Variants in YTHDF1 observed in about 807,000 individuals in gnomAD.
YTHDF1 encodes the protein YTH domain-containing family protein 1.
YTHDF1 carries 16 observed loss-of-function variants against 49.1 expected under a neutral mutation model. The observed-to-expected ratio is 0.33, with a 90% CI of 0.22 to 0.49. YTHDF1 has a LOEUF of 0.49. YTHDF1 is among the 20% of genes least tolerant of loss of function. The pLI is 0.99. For missense variants in YTHDF1, 621 were observed against 744.3 expected (o/e 0.83, Z 1.93); for synonymous variants, 313 against 290.1 (o/e 1.08, Z -0.80).
chr20:63,197,420 T>A (rs1274665788), intron 4 of YTHDF1, among the ~76,000 whole-genome samples: 1 of 152,204 alleles, frequency 6.6e-6, no homozygotes, highest in Non-Finnish European at 1.5e-5. Flanking sequence ...GAATCATCTT[T>A]TCCAGAGTGT....
At chr20:63,198,581 C>T (rs1262153215) in intron 4 of YTHDF1, among the ~76,000 whole-genome samples, 1 of 151,822 alleles carries the variant, frequency 6.6e-6, no homozygotes, top group Non-Finnish European at 1.5e-5. Flanking sequence ...TTATAAACAG[C>T]TACAAAGTTT....
chr20:63,210,371 G>A (rs1489313389), intron 3 of YTHDF1, among the ~76,000 whole-genome samples: 1 of 152,184 alleles, frequency 6.6e-6, no homozygotes, highest in South Asian at 2.1e-4. Context: ...CAGGCATCAT[G>A]CCAAGACAGT....
At position 63,203,135 on chromosome 20, in the gene YTHDF1, T is replaced by C. The variant is rs752659623; in HGVS notation, c.805A>G (p.Met269Val). ...GLPPPPIKHNMDIGTWDNKGP... is the reference protein window; with the variant it reads ...GLPPPPIKHNVDIGTWDNKGP... ...TTGTTATCCCAGGTGCCAATGTCCATGTTATGCTTTATGGGTGGAGGGGGC... is the reference window on the plus strand; with the variant it reads ...TTGTTATCCCAGGTGCCAATGTCCACGTTATGCTTTATGGGTGGAGGGGGC... The change falls in exon 4 of 5, where the codon ATG (methionine) becomes GTG (valine). Residue 269 changes from methionine (M) to valine (V), a missense_variant. Met to Val is a conservative substitution (Grantham distance 21). Coordinates refer to ENST00000370339, the MANE Select transcript of YTHDF1 (RefSeq NM_017798.4). This position sits in a 1 kb window ranked among gnomAD's most constrained non-coding sequence, Gnocchi z 4.4. 6.8e-6 allele frequency: 11 copies of C among 1,613,682 alleles called. No individual in the cohort carries two copies. The highest frequency in any genetic ancestry group is 8.5e-6 in the Non-Finnish European group (10 of 1,179,966).
chr20:63,203,112 G>A lies in YTHDF1; in HGVS notation c.828C>T (p.Asn276=), dbSNP rs772804413. The change falls in exon 4 of 5, where the codon AAC becomes AAT. Residue 276 remains asparagine (N), a synonymous_variant. Coordinates refer to ENST00000370339, the MANE Select transcript of YTHDF1 (RefSeq NM_017798.4). This position sits in a 1 kb window ranked among gnomAD's most constrained non-coding sequence, Gnocchi z 4.4. ...KHNMDIGTWD[N]KGPVPKAPVP... ...CTGGGGCCTTCGGCACAGGCCCCTT[G>A]TTATCCCAGGTGCCAATGTCCATGT... 7.8e-5 allele frequency: 126 copies of A among 1,611,908 alleles called. 1 individual carries two copies. The South Asian group carries it at 1.2e-3, about 15-fold the overall frequency.
chr20:63,203,377 A>G lies in YTHDF1; in HGVS notation c.563T>C (p.Val188Ala), dbSNP rs745311943. 6.2e-7 allele frequency: 1 copy of G among 1,613,262 alleles called. No homozygotes were observed. The highest frequency in any genetic ancestry group is 1.7e-5 in the Admixed American group (1 of 60,020). Residue 188 changes from valine to alanine, a missense_variant, in exon 4 of 5, where the codon GTT becomes GCT. By Grantham distance (64) the Val-to-Ala change is moderately conservative. Coordinates refer to ENST00000370339, the MANE Select transcript of YTHDF1 (RefSeq NM_017798.4). This position sits in a 1 kb window ranked among gnomAD's most constrained non-coding sequence, Gnocchi z 4.4. ...PGMNSLEQGM[V>A]GLKIGDVSSS... ...GCTGACGTCCCCAATCTTCAGGCCA[A>G]CCATGCCCTGCTCCAGGCTGTTCAT...
In YTHDF1 at chr20:63,202,984, C is replaced by A. The variant is rs750250217; in HGVS notation, c.956G>T (p.Ser319Ile). Reference sequence around the variant, plus strand: ...GCGGGTCTGGGGTGGCTGCTGAGGGCTCTGATACTGCGGTTGAGCCAAAGC... The same window carrying A: ...GCGGGTCTGGGGTGGCTGCTGAGGGATCTGATACTGCGGTTGAGCCAAAGC... ...PPALAQPQYQ[S>I]PQQPPQTRWV... The change falls in exon 4 of 5, where the codon AGC becomes ATC. Residue 319 changes from serine (S) to isoleucine (I), a missense_variant. Around this residue, in one of 2 missense-constraint regions of YTHDF1, gnomAD observed 470 missense variants for 495.8 expected, o/e 0.95. Coordinates refer to ENST00000370339, the MANE Select transcript of YTHDF1 (RefSeq NM_017798.4). 5.6e-6 allele frequency: 9 copies of A among 1,613,258 alleles called. No homozygotes were observed. The highest frequency in any genetic ancestry group is 6.8e-6 in the Non-Finnish European group (8 of 1,179,932).
In YTHDF1 at chr20:63,203,052, T is replaced by A; in HGVS notation, c.888A>T (p.Pro296=). The A allele has an allele frequency of 6.2e-7, 1 of 1,605,608 alleles. No individual in the cohort carries two copies. Among genetic ancestry groups the A allele is most frequent in the South Asian group, 1.1e-5 (1 of 90,294 alleles). The change falls in exon 4 of 5, where the codon CCA becomes CCT. Residue 296 remains proline (P), a synonymous_variant. Transcript: ENST00000370339. The surrounding 1 kb of genome is among the most constrained non-coding windows in gnomAD (Gnocchi z 4.4). ...GAGGCTGAGCCACCTGCTGGGGCTG[T>A]GGGGCAGCCTGTGGAGAGGGTGCCT... is the stretch of plus-strand genomic sequence containing the variant. ...PQQAPSPQAA[P]QPQQVAQPLP...
chr20:63,195,610 G>A lies in YTHDF1; in HGVS notation c.*1098C>T, dbSNP rs762520382. 4 of 152,552 alleles carry A rather than the reference G, an allele frequency of 2.6e-5. No homozygotes were observed. The highest frequency in any genetic ancestry group is 1.9e-4 in the East Asian group (1 of 5,192). The allele number at this position is 152,552 out of a possible 1,614,324, so 9.4% of individuals were successfully genotyped here. A position where few individuals can be genotyped will look rare whatever the true frequency, so the allele number is the denominator to read the frequency against. ...TTGGAGCAAGTAGTTTTCAGAAAGC[G>A]TCTGCTCTCTAGGACGGTAAGGATC... On this transcript the variant is annotated 3_prime_UTR_variant, in exon 5 of 5. Coordinates refer to ENST00000370339, the MANE Select transcript of YTHDF1 (RefSeq NM_017798.4).
chr20:63,210,795 CA>C (rs1382048528), intron 3 of YTHDF1, among the ~76,000 whole-genome samples: 1 of 151,840 alleles, frequency 6.6e-6, no homozygotes, highest in Non-Finnish European at 1.5e-5. Flanking sequence ...TCTCAAAAAA[CA>C]AAAAAAGAGA....
At chr20:63,201,786 C>G (rs1422147115) in intron 4 of YTHDF1, among the ~76,000 whole-genome samples, 1 of 152,178 alleles carries the variant, frequency 6.6e-6, no homozygotes, top group Non-Finnish European at 1.5e-5. Flanking sequence ...GATCAAAGAC[C>G]AGAGATTCCC....
chr20:63,202,236 C>T (rs763916373), intron 4 of YTHDF1, 51 bp downstream of exon 4: 40 of 1,566,350 alleles, frequency 2.6e-5, no homozygotes, highest in African/African-American at 4.1e-5. Flanking sequence ...GGTCTAAGTA[C>T]GGCACCAAGG....
intron 3 of YTHDF1, 66 bp downstream of exon 3, chr20:63,213,798 A>C (rs2066587516): frequency 7.3e-7 from 1 of 1,377,700 alleles, no homozygotes; most frequent in East Asian, 2.3e-5. Context: ...ATCAGAAATG[A>C]CAGTAAAGGT....
chr20:63,202,858 C>T lies in YTHDF1; in HGVS notation c.1082G>A (p.Ser361Asn). The T allele has an allele frequency of 6.2e-7, 1 of 1,613,900 alleles. No homozygotes were observed. Among genetic ancestry groups the T allele is most frequent in the Non-Finnish European group, 8.5e-7 (1 of 1,180,042 alleles). Residue 361 changes from serine to asparagine, a missense_variant, in exon 4 of 5, where the codon AGC (serine) becomes AAC (asparagine). Coordinates refer to ENST00000370339, the MANE Select transcript of YTHDF1 (RefSeq NM_017798.4). ...TTCAAGGACGGGGTGGGATTCGACG[C>T]TGGGGGCAGAATTAGGCTGGACGTT... ...PGNVQPNSAP[S>N]VESHPVLEKL...
At chr20:63,209,751 C>CA (rs1339321052) in intron 3 of YTHDF1, among the ~76,000 whole-genome samples, 2 of 152,126 alleles carry the variant, frequency 1.3e-5, no homozygotes, top group East Asian at 1.9e-4. Context: ...CAAAAAGACA[C>CA]AAAAAACACA....
intron 3 of YTHDF1, among the ~76,000 whole-genome samples, chr20:63,207,284 C>T (rs2066551106): frequency 1.3e-5 from 2 of 151,922 alleles, no homozygotes; most frequent in African/African-American, 2.4e-5. Flanking sequence ...CTGGCTAACA[C>T]TGTAAAACCC....
chr20:63,199,533 C>G (rs114460067), intron 4 of YTHDF1, among the ~76,000 whole-genome samples: 1 of 139,936 alleles, frequency 7.1e-6, no homozygotes, highest in African/African-American at 2.6e-5. Context: ...AAAAAAAAAA[C>G]AAAACAAAAC....
In YTHDF1 at chr20:63,199,516, C is replaced by CT. The variant is rs1249537466; in HGVS notation, c.1653+2770dup. Among the ~76,000 whole-genome samples, 27 of 131,278 alleles carry CT rather than the reference C, an allele frequency of 2.1e-4. No homozygotes were observed. In the Admixed American group the frequency reaches 2.1e-3, roughly 10 times the overall value. 86.1% of individuals were successfully genotyped at this position (131,278 alleles called of 152,430 possible). A position where few individuals can be genotyped will look rare whatever the true frequency, so the allele number is the denominator to read the frequency against. ...ACTGGGCAACAGTGCAAGATTCTGT[C>CT]TTAAAAAAAAAAAAAACAAAACAAA... On this transcript the variant is annotated intron_variant, in intron 4 of 4. Coordinates refer to ENST00000370339, the MANE Select transcript of YTHDF1 (RefSeq NM_017798.4).
chr20:63,210,759 T>C lies in YTHDF1; in HGVS notation c.132+3105A>G, dbSNP rs189819748. Among the ~76,000 whole-genome samples the C allele has an allele frequency of 8.6e-5, 13 of 151,994 alleles. No homozygotes were observed. In the East Asian group the frequency reaches 2.5e-3, roughly 29 times the overall value. On this transcript the variant is annotated intron_variant, in intron 3 of 4. Coordinates refer to ENST00000370339, the MANE Select transcript of YTHDF1 (RefSeq NM_017798.4). ...GCTGAGATCGCGCCACTGCACTCCATCCTGGGCAACAAGAGCGAAACTCCA... is the reference window on the plus strand; with the variant it reads ...GCTGAGATCGCGCCACTGCACTCCACCCTGGGCAACAAGAGCGAAACTCCA...
At chr20:63,204,581 T>C (rs6090296) in intron 3 of YTHDF1, among the ~76,000 whole-genome samples, 52,493 of 152,138 alleles carry the variant, frequency 0.35, 9,252 homozygotes, top group Middle Eastern at 0.45. Context: ...GTGGACTCTG[T>C]GCTCCGGGTG....
Sources: allele counts gnomAD v4.1 joint callset (sites outside exome capture counted in the v4.1 genomes callset), GRCh38; gene constraint gnomAD v4.1.1; regional missense constraint gnomAD v4.1.1; non-coding constraint Gnocchi (gnomAD v3.1); transcripts MANE v1.5; gene names NCBI Gene and HGNC (gene_info 2026-07-23, HGNC 2026-07-21).